The following SBF2 variants were observed in gnomAD, a reference collection of about 807,000 sequenced individuals.
SBF2 encodes the protein SET binding factor 2.
In SBF2, 112 loss-of-function variants were observed where a neutral mutation model predicts 225.2. That is an observed-to-expected ratio of 0.50 (90% CI 0.43 to 0.58). The LOEUF (loss-of-function observed/expected upper bound fraction) is 0.58. Ranked by LOEUF, SBF2 falls within the 20% of genes least tolerant of loss-of-function variation. The probability of loss-of-function intolerance (pLI) is 0.00; values close to 1 mark genes in which losing one functional copy is unlikely to be tolerated. For missense variants in SBF2, 1,996 were observed against 2,206.2 expected, an observed-to-expected ratio of 0.90 and a Z score of 1.91; for synonymous variants, 763 against 773.3, an observed-to-expected ratio of 0.99 and a Z score of 0.22.
At chr11:9,932,298 T>A (rs1450290857) in intron 16 of SBF2, among the ~76,000 whole-genome samples, 1 of 151,988 alleles carries the variant, frequency 6.6e-6, no homozygotes, top group Non-Finnish European at 1.5e-5. Context: ...AAGATACTCC[T>A]CGAGAAGAGC....
At chr11:9,949,848 TTAAAA>T (rs1237892862) in intron 16 of SBF2, among the ~76,000 whole-genome samples, 4 of 152,048 alleles carry the variant, frequency 2.6e-5, no homozygotes, top group African/African-American at 9.7e-5. Flanking sequence ...TTTACATAAA[TTAAAA>T]TACACATGTA....
chr11:10,098,679 GCACACACA>G (rs56244507), intron 2 of SBF2, among the ~76,000 whole-genome samples: 9,903 of 130,832 alleles, frequency 0.076, 489 homozygotes, highest in East Asian at 0.29. Flanking sequence ...GACAAAAAAT[GCACACACA>G]CACACACACA....
chr11:10,281,881 C>A (rs927114392), intron 1 of SBF2, among the ~76,000 whole-genome samples: 9 of 152,104 alleles, frequency 5.9e-5, no homozygotes, highest in African/African-American at 2.2e-4. Context: ...ATCACAAGTA[C>A]CCCCAGACCT....
At chr11:9,825,612 C>T (rs143159294) in intron 28 of SBF2, among the ~76,000 whole-genome samples, 18 of 152,174 alleles carry the variant, frequency 1.2e-4, no homozygotes, top group African/African-American at 4.3e-4. Flanking sequence ...AGTATGACCA[C>T]TAGGAGATGT....
At chr11:10,060,895 G>A (rs569187893) in intron 2 of SBF2, among the ~76,000 whole-genome samples, 1 of 152,114 alleles carries the variant, frequency 6.6e-6, no homozygotes, top group Non-Finnish European at 1.5e-5. Context: ...AGGCGTGGTA[G>A]TGGGCACCTG....
chr11:10,215,060 AGAAGCTAC>A (rs1958079603), intron 1 of SBF2, among the ~76,000 whole-genome samples: 1 of 152,190 alleles, frequency 6.6e-6, no homozygotes, highest in Non-Finnish European at 1.5e-5. Context: ...AAGCTCCTGT[AGAAGCTAC>A]AGAATTAGAA....
chr11:10,240,949 A>G lies in SBF2; in HGVS notation c.56-46962T>C, dbSNP rs189715134. On this transcript the variant is annotated intron_variant, in intron 1 of 39. Transcript: ENST00000256190. ...ATACTTAGAGGAATATTAGTGTTTA[A>G]TATCTAAAGATATACCAATTGTTTG... 7.9e-5 allele frequency among the ~76,000 whole-genome samples: 12 copies of G among 152,378 alleles called. 1 individual carries two copies. The East Asian group carries it at 2.3e-3, about 29-fold the overall frequency.
At chr11:10,039,401 C>A (rs1455696904) in intron 3 of SBF2, among the ~76,000 whole-genome samples, 1 of 151,500 alleles carries the variant, frequency 6.6e-6, no homozygotes, top group Non-Finnish European at 1.5e-5. Context: ...TTCCACCAAG[C>A]CCAAAAGACA....
intron 2 of SBF2, among the ~76,000 whole-genome samples, chr11:10,139,372 G>C (rs549058858): frequency 1.3e-5 from 2 of 152,228 alleles, no homozygotes; most frequent in African/African-American, 4.8e-5. Context: ...TTTCTGTAAT[G>C]ATGGAACTGT....
intron 16 of SBF2, among the ~76,000 whole-genome samples, chr11:9,907,934 C>T (rs760369088): frequency 2.0e-5 from 3 of 152,090 alleles, no homozygotes; most frequent in Non-Finnish European, 2.9e-5. Flanking sequence ...TATTTGCTTG[C>T]GATTATATAG....
chr11:10,150,591 TA>T (rs912889330), intron 2 of SBF2, among the ~76,000 whole-genome samples: 1 of 152,184 alleles, frequency 6.6e-6, no homozygotes. Flanking sequence ...CTGTCTTGTT[TA>T]AATAAGTAAC....
intron 2 of SBF2, among the ~76,000 whole-genome samples, chr11:10,053,365 C>G (rs1950129382): frequency 6.6e-6 from 1 of 152,100 alleles, no homozygotes. Context: ...TCCTTGAATT[C>G]CTTTTTAAAG....
intron 2 of SBF2, among the ~76,000 whole-genome samples, chr11:10,167,757 C>T (rs534354705): frequency 6.6e-6 from 1 of 152,316 alleles, no homozygotes; most frequent in East Asian, 1.9e-4. Flanking sequence ...GTGGCTCATG[C>T]CTGTAATCCC....
intron 33 of SBF2, 111 bp from the exon 34 acceptor site, chr11:9,790,794 A>G (rs1852693101): frequency 1.2e-6 from 1 of 810,042 alleles, no homozygotes; most frequent in Non-Finnish European, 2.0e-6. Flanking sequence ...ATGGCTTTAA[A>G]AACAGCAACA....
At chr11:10,288,245 T>C (rs772407840) in intron 1 of SBF2, among the ~76,000 whole-genome samples, 7 of 152,170 alleles carry the variant, frequency 4.6e-5, no homozygotes, top group Non-Finnish European at 8.8e-5. Flanking sequence ...ACCCTCACCA[T>C]TCAAGGGTCC....
chr11:10,246,048 T>A (rs1055998437), intron 1 of SBF2, among the ~76,000 whole-genome samples: 2 of 152,100 alleles, frequency 1.3e-5, no homozygotes, highest in African/African-American at 4.8e-5. Flanking sequence ...ATCCTAGAGA[T>A]CTATTGTCCG....
chr11:10,013,758 T>A (rs1038801443), intron 6 of SBF2, among the ~76,000 whole-genome samples: 2 of 152,236 alleles, frequency 1.3e-5, no homozygotes, highest in Non-Finnish European at 2.9e-5. Context: ...CATCTACTGA[T>A]AATTTCTGCC....
intron 17 of SBF2, among the ~76,000 whole-genome samples, chr11:9,880,038 C>T (rs1020164170): frequency 3.0e-5 from 4 of 133,848 alleles, no homozygotes; most frequent in African/African-American, 8.4e-5. Context: ...GAGATGAGAT[C>T]GTGCCACTGC....
intron 1 of SBF2, among the ~76,000 whole-genome samples, chr11:10,195,529 T>C (rs1387323863): frequency 6.6e-6 from 1 of 152,258 alleles, no homozygotes; most frequent in Non-Finnish European, 1.5e-5. Flanking sequence ...TTGTTTTGTA[T>C]ACCTAACTTG....
Sources: gnomAD v4.1 joint callset for allele counts (sites outside exome capture counted in the v4.1 genomes callset) on GRCh38, gnomAD v4.1.1 for gene constraint, MANE v1.5 for transcripts, NCBI Gene and HGNC (gene_info 2026-07-23, HGNC 2026-07-21) for gene names.